FGD3: variants seen among roughly 807,000 people sequenced by gnomAD.
FGD3 encodes the protein FYVE, RhoGEF and PH domain-containing protein 3.
FGD3 carries 45 observed loss-of-function variants against 71.8 expected under a neutral mutation model. That is an observed-to-expected ratio of 0.63 (90% CI 0.49 to 0.80). The LOEUF is 0.80. Ranked by LOEUF, FGD3 falls within the 30% of genes least tolerant of loss-of-function variation. FGD3 has a pLI of 0.00. For missense variants in FGD3, 844 were observed against 951.5 expected (o/e 0.89, Z 1.49); for synonymous variants, 378 against 392.8 (o/e 0.96, Z 0.44).
At position 93,018,225 on chromosome 9, in the gene FGD3, G is replaced by A. The variant is rs763662743; in HGVS notation, c.1355+10G>A. The A allele has an allele frequency of 2.5e-5, 40 of 1,610,970 alleles. No homozygotes were observed. The Middle Eastern group carries it at 6.6e-4, about 27-fold the overall frequency. On this transcript the variant is annotated intron_variant, in intron 11 of 17. Coordinates refer to ENST00000375482, the MANE Select transcript of FGD3 (RefSeq NM_001083536.2). ...TGGAGCTGCAGACGCGGTATGGAAC[G>A]GGCTGTTTCTAGTGAATGTCTTTGA...
At chr9:92,967,995 A>G (rs960875524) in intron 1 of FGD3, among the ~76,000 whole-genome samples, 1 of 152,134 alleles carries the variant, frequency 6.6e-6, no homozygotes, top group African/African-American at 2.4e-5. Context: ...GAATGCTGCT[A>G]TGTATGTGGG....
intron 1 of FGD3, among the ~76,000 whole-genome samples, chr9:92,967,050 C>G (rs1182457611): frequency 6.6e-6 from 1 of 151,394 alleles, no homozygotes; most frequent in Non-Finnish European, 1.5e-5. Context: ...CAACCTCCAT[C>G]TCCCAGGTTC....
intron 1 of FGD3, among the ~76,000 whole-genome samples, chr9:92,953,151 G>A (rs1239290040): frequency 4.6e-5 from 7 of 152,254 alleles, no homozygotes; most frequent in East Asian, 3.9e-4. Context: ...GAGTGGGGGC[G>A]TGGCCACCCC....
chr9:92,983,182 T>A (rs1438108255), intron 3 of FGD3, among the ~76,000 whole-genome samples: 1 of 151,916 alleles, frequency 6.6e-6, no homozygotes, highest in Non-Finnish European at 1.5e-5. Flanking sequence ...AAGACACAAT[T>A]GAAAAAGAAA....
intron 3 of FGD3, among the ~76,000 whole-genome samples, chr9:92,978,065 C>T (rs768227164): frequency 2.0e-5 from 3 of 152,090 alleles, no homozygotes; most frequent in Non-Finnish European, 2.9e-5. Flanking sequence ...GGTGGATCAC[C>T]TGAGGTCGGG....
At chr9:93,012,267 T>C (rs940132858) in intron 8 of FGD3, among the ~76,000 whole-genome samples, 4 of 152,120 alleles carry the variant, frequency 2.6e-5, no homozygotes, top group African/African-American at 9.7e-5. Context: ...TTCATTTAAT[T>C]ATACAAATCC....
At chr9:92,960,355 C>T (rs1185258117) in intron 1 of FGD3, among the ~76,000 whole-genome samples, 1 of 152,112 alleles carries the variant, frequency 6.6e-6, no homozygotes, top group Admixed American at 6.5e-5. Context: ...CATGAGGACC[C>T]CTCCTATCCC....
At chr9:93,034,339 T>A in intron 16 of FGD3, 1 of 556,866 alleles carries the variant, frequency 1.8e-6, no homozygotes, top group Non-Finnish European at 3.0e-6. Context: ...CCCCATCTGA[T>A]ACCACACATG....
intron 3 of FGD3, among the ~76,000 whole-genome samples, chr9:92,985,804 A>G (rs1386636966): frequency 6.6e-6 from 1 of 152,154 alleles, no homozygotes; most frequent in Non-Finnish European, 1.5e-5. Flanking sequence ...GGTTTAGGGG[A>G]TCAAACTTTT....
chr9:93,015,044 G>A (rs1861614835), intron 9 of FGD3, among the ~76,000 whole-genome samples: 1 of 140,698 alleles, frequency 7.1e-6, no homozygotes, highest in South Asian at 2.2e-4. Context: ...TCTGTTTCTA[G>A]AATTTTGCCT....
intron 3 of FGD3, among the ~76,000 whole-genome samples, chr9:92,996,932 G>A (rs1021083726): frequency 3.9e-5 from 6 of 152,316 alleles, no homozygotes; most frequent in Admixed American, 3.9e-4. Flanking sequence ...GTGATGTGGT[G>A]CTGAGAAGAA....
At chr9:92,970,567 G>A (rs897794539) in intron 1 of FGD3, among the ~76,000 whole-genome samples, 9 of 152,216 alleles carry the variant, frequency 5.9e-5, no homozygotes, top group African/African-American at 2.2e-4. Context: ...TTGAACTACA[G>A]GGAATGTGGC....
At chr9:92,977,919 ACT>A in intron 3 of FGD3, among the ~76,000 whole-genome samples, 1 of 152,244 alleles carries the variant, frequency 6.6e-6, no homozygotes, top group African/African-American at 2.4e-5. Context: ...GACAGAATAG[ACT>A]CTGTGGCAAT....
At chr9:93,032,737 TGCTG>T in intron 15 of FGD3, 28 bp from the exon 16 acceptor site, 1 of 1,602,590 alleles carries the variant, frequency 6.2e-7, no homozygotes, top group African/African-American at 1.3e-5. Flanking sequence ...TGTCCCAGGG[TGCTG>T]GGGTCACACG....
chr9:92,952,565 G>GC (rs1001549260), intron 1 of FGD3, among the ~76,000 whole-genome samples: 5 of 151,698 alleles, frequency 3.3e-5, no homozygotes, highest in South Asian at 2.1e-4. Context: ...AAAGCTGAAG[G>GC]CCCCCCCATC....
chr9:93,022,160 G>A (rs2118796453), intron 13 of FGD3, among the ~76,000 whole-genome samples, 167 bp from the exon 14 acceptor site: 1 of 152,332 alleles, frequency 6.6e-6, no homozygotes, highest in South Asian at 2.1e-4. Flanking sequence ...GCCCAGGGAG[G>A]GAGCAGCTTC....
intron 1 of FGD3, among the ~76,000 whole-genome samples, chr9:92,959,825 C>T (rs1338565589): frequency 6.6e-6 from 1 of 151,854 alleles, no homozygotes; most frequent in Non-Finnish European, 1.5e-5. Flanking sequence ...GTCTGCATGT[C>T]CCATGTCCTT....
At chr9:92,998,538 G>A (rs900089725) in intron 3 of FGD3, among the ~76,000 whole-genome samples, 19 of 152,132 alleles carry the variant, frequency 1.2e-4, no homozygotes, top group African/African-American at 4.3e-4. Context: ...TGTTCCTTTG[G>A]AGGAGAAGAG....
At chr9:92,999,747 T>C (rs112648395) in intron 3 of FGD3, among the ~76,000 whole-genome samples, 8,061 of 151,928 alleles carry the variant, frequency 0.053, 280 homozygotes, top group East Asian at 0.15. Context: ...GTGCCTACTA[T>C]CACGCCCAGC....
Sources: gnomAD v4.1 joint callset for allele counts (sites outside exome capture counted in the v4.1 genomes callset) on GRCh38, gnomAD v4.1.1 for gene constraint, MANE v1.5 for transcripts, NCBI Gene and HGNC (gene_info 2026-07-23, HGNC 2026-07-21) for gene names.